XIRP2: variants seen among roughly 807,000 people sequenced by gnomAD.
XIRP2 encodes xin actin-binding repeat-containing protein 2.
A neutral mutation model predicts 277.0 loss-of-function variants in XIRP2; 236 were observed. The ratio of observed to expected loss-of-function variants is 0.85; its 90% CI spans 0.77 to 0.95. The LOEUF is 0.95. Ranked by LOEUF, XIRP2 falls within the 40% of genes least tolerant of loss-of-function variation. The probability of loss-of-function intolerance (pLI) is 0.00; values close to 1 mark genes in which losing one functional copy is unlikely to be tolerated. For synonymous variants in XIRP2, 1,490 were observed against 1,416.5 expected (o/e 1.05, Z -1.17); for missense variants, 4,640 against 4,157.5 (o/e 1.12, Z -3.19).
chr2:167,259,585 A>G lies in XIRP2; in HGVS notation c.*1768A>G. ...TGTTTGAACTGGAATGAAGAGATGA[A>G]ACACTATGGATATGTTTTCCATTCA... On this transcript the variant is annotated 3_prime_UTR_variant, in exon 11 of 11. Coordinates refer to ENST00000409195, the MANE Select transcript of XIRP2 (RefSeq NM_152381.6). 1 of 449,884 alleles carries G rather than the reference A, an allele frequency of 2.2e-6. No individual in the cohort carries two copies. The highest frequency in any genetic ancestry group is 4.0e-6 in the Non-Finnish European group (1 of 249,872). 27.9% of individuals were successfully genotyped at this position (449,884 alleles called of 1,614,324 possible). A position where few individuals can be genotyped will look rare whatever the true frequency, so the allele number is the denominator to read the frequency against.
At chr2:167,157,948 C>A (rs757712136) in intron 3 of XIRP2, among the ~76,000 whole-genome samples, 9 of 152,056 alleles carry the variant, frequency 5.9e-5, no homozygotes, top group African/African-American at 9.7e-5. Flanking sequence ...AAGTCTATGA[C>A]AGCTGTTCCT....
chr2:167,011,539 T>C (rs1166457694), intron 2 of XIRP2, among the ~76,000 whole-genome samples: 10 of 152,106 alleles, frequency 6.6e-5, no homozygotes, highest in Non-Finnish European at 1.5e-5. Flanking sequence ...TGCTCTGTTT[T>C]GGTTGTGTCT....
chr2:167,077,356 C>A (rs1021642302), intron 2 of XIRP2, among the ~76,000 whole-genome samples: 1 of 151,682 alleles, frequency 6.6e-6, no homozygotes, highest in Admixed American at 6.6e-5. Context: ...GTGCCTATAT[C>A]GAGTCATTTA....
chr2:167,105,471 A>G (rs1044211872), intron 2 of XIRP2, among the ~76,000 whole-genome samples: 2 of 151,956 alleles, frequency 1.3e-5, no homozygotes, highest in African/African-American at 4.8e-5. Context: ...GTGGTTGAGT[A>G]TATGTACAAA....
In XIRP2 at chr2:166,933,370, G is replaced by A. The variant is rs113304335; in HGVS notation, c.408+29480G>A. On this transcript the variant is annotated intron_variant, in intron 2 of 10. Transcript: ENST00000409195. The stretch of plus-strand genomic sequence containing the variant: ...TTGCCGTGTTAGCCAGGATGATCTC[G>A]ATCTCCTGACCTCGTGATCCACCCC... Among the ~76,000 whole-genome samples the A allele has an allele frequency of 6.6e-5, 10 of 151,900 alleles. 1 individual carries two copies. The highest frequency in any genetic ancestry group is 1.2e-4 in the African/African-American group (5 of 41,438).
intron 2 of XIRP2, among the ~76,000 whole-genome samples, chr2:167,023,598 G>T (rs563881707): frequency 9.2e-5 from 14 of 152,152 alleles, no homozygotes; most frequent in Admixed American, 2.6e-4. Flanking sequence ...GGTCAAACAT[G>T]TAAGTCTTTA....
rs1185037274 is a variant in XIRP2 at position 167,258,909 on chromosome 2, C to G, written c.*1092C>G. Reference sequence around the variant, plus strand: ...CTGAAGAAACAGACTGACAGAGCAGCTGCTGGCAGTCCTGTGCAGCCTGCT... The same window carrying G: ...CTGAAGAAACAGACTGACAGAGCAGGTGCTGGCAGTCCTGTGCAGCCTGCT... On this transcript the variant is annotated 3_prime_UTR_variant, in exon 11 of 11. Coordinates refer to ENST00000409195, the MANE Select transcript of XIRP2 (RefSeq NM_152381.6). The G allele has an allele frequency of 1.4e-5, 23 of 1,613,126 alleles. No homozygotes were observed. The highest frequency in any genetic ancestry group is 1.9e-5 in the Non-Finnish European group (22 of 1,179,606).
At chr2:166,948,054 C>T (rs894898419) in intron 2 of XIRP2, among the ~76,000 whole-genome samples, 1 of 152,030 alleles carries the variant, frequency 6.6e-6, no homozygotes, top group Non-Finnish European at 1.5e-5. Context: ...TTTCTGGGAG[C>T]TGGGTGAGAA....
intron 3 of XIRP2, among the ~76,000 whole-genome samples, chr2:167,210,325 A>G (rs1209770405): frequency 6.6e-6 from 1 of 152,166 alleles, no homozygotes; most frequent in African/African-American, 2.4e-5. Context: ...AATAGGCGTG[A>G]CTCTCATTTT....
rs1574145193 is a variant in XIRP2 at position 166,996,743 on chromosome 2, T to C, written c.408+92853T>C. On this transcript the variant is annotated intron_variant, in intron 2 of 10. Coordinates refer to ENST00000409195, the MANE Select transcript of XIRP2 (RefSeq NM_152381.6). ...TTGTAGTCGGCCTGAACCAAGATGA[T>C]GCATTGCTGTGCTGGGTTGAGCACC... Among the ~76,000 whole-genome samples, 4 of 152,300 alleles carry C rather than the reference T, an allele frequency of 2.6e-5. No homozygotes were observed. The South Asian group carries it at 8.3e-4, about 32-fold the overall frequency.
intron 3 of XIRP2, chr2:167,187,663 TG>T (rs1230487645): frequency 1.6e-6 from 1 of 615,352 alleles, no homozygotes; most frequent in African/African-American, 2.0e-5. Context: ...AGTTGGATTT[TG>T]CTTCTATGAT....
At chr2:167,158,503 T>A (rs1393567361) in intron 3 of XIRP2, among the ~76,000 whole-genome samples, 1 of 152,172 alleles carries the variant, frequency 6.6e-6, no homozygotes, top group Non-Finnish European at 1.5e-5. Context: ...CTGTGTGAGG[T>A]TGGGATGGCC....
chr2:167,158,810 G>A (rs958955923), intron 3 of XIRP2, among the ~76,000 whole-genome samples: 8 of 152,078 alleles, frequency 5.3e-5, no homozygotes, highest in African/African-American at 1.9e-4. Flanking sequence ...CCAATCTGTA[G>A]ACAGGAACCA....
At chr2:166,891,927 A>G (rs1453384080) in intron 1 of XIRP2, among the ~76,000 whole-genome samples, 1 of 152,200 alleles carries the variant, frequency 6.6e-6, no homozygotes, top group African/African-American at 2.4e-5. Flanking sequence ...AATCTGGCTT[A>G]GTGACAACAT....
At chr2:166,908,613 A>G (rs1212379588) in intron 2 of XIRP2, among the ~76,000 whole-genome samples, 1 of 152,070 alleles carries the variant, frequency 6.6e-6, no homozygotes, top group South Asian at 2.1e-4. Context: ...GAAGCTCTTT[A>G]GTTTAATTAG....
At chr2:167,089,200 CCAGAGGAAGAAAAGCA>C (rs1690068433) in intron 2 of XIRP2, among the ~76,000 whole-genome samples, 1 of 152,016 alleles carries the variant, frequency 6.6e-6, no homozygotes, top group Non-Finnish European at 1.5e-5. Flanking sequence ...AGGACAATGT[CCAGAGGAAGAAAAGCA>C]ACTATTAGGG....
chr2:167,244,691 C>T lies in XIRP2; in HGVS notation c.3299C>T (p.Thr1100Ile). The change falls in exon 9 of 11, where the codon ACC becomes ATC. Residue 1100 changes from threonine to isoleucine, a missense_variant. Coordinates refer to ENST00000409195, the MANE Select transcript of XIRP2 (RefSeq NM_152381.6). ...DVKTCKWLFE[T>I]QPMESLYEKV... ...AAAACCTGTAAATGGCTTTTTGAGACCCAGCCAATGGAGTCTCTTTATGAA... is the reference window on the plus strand; with the variant it reads ...AAAACCTGTAAATGGCTTTTTGAGATCCAGCCAATGGAGTCTCTTTATGAA... 1 of 1,613,362 alleles carries T rather than the reference C, an allele frequency of 6.2e-7. No homozygotes were observed. Among genetic ancestry groups the T allele is most frequent in the Non-Finnish European group, 8.5e-7 (1 of 1,179,682 alleles).
intron 2 of XIRP2, among the ~76,000 whole-genome samples, chr2:166,937,787 C>T (rs1685562814): frequency 6.6e-6 from 1 of 152,066 alleles, no homozygotes; most frequent in Non-Finnish European, 1.5e-5. Context: ...GTTATTGGTC[C>T]ATTCAGAGAT....
At chr2:167,078,668 C>G (rs1420756874) in intron 2 of XIRP2, among the ~76,000 whole-genome samples, 2 of 151,956 alleles carry the variant, frequency 1.3e-5, no homozygotes, top group Admixed American at 6.6e-5. Context: ...AACCCTGTCT[C>G]TACTAAAATT....
Sources: gnomAD v4.1 joint callset for allele counts (sites outside exome capture counted in the v4.1 genomes callset) on GRCh38, gnomAD v4.1.1 for gene constraint, MANE v1.5 for transcripts, NCBI Gene and HGNC (gene_info 2026-07-23, HGNC 2026-07-21) for gene names.